Variants in CNTNAP2 observed in about 807,000 individuals in gnomAD.
CNTNAP2 encodes the protein contactin associated protein 2, also known as contactin-associated protein-like 2.
Under a neutral mutation model 155.2 loss-of-function variants are expected in CNTNAP2, and 98 were observed. The observed-to-expected ratio is 0.63, with a 90% CI of 0.54 to 0.75. CNTNAP2 has a LOEUF of 0.75. Among genes scored for constraint, CNTNAP2 ranks in the 30% least tolerant of loss-of-function variants. CNTNAP2 has a pLI of 0.00. For missense variants in CNTNAP2, 1,727 were observed against 1,688.1 expected, an observed-to-expected ratio of 1.02 and a Z score of -0.40; for synonymous variants, 651 against 631.2, an observed-to-expected ratio of 1.03 and a Z score of -0.47.
At position 146,273,086 on chromosome 7, in the gene CNTNAP2, A is replaced by AGAGAG. The variant is rs1563016942; in HGVS notation, c.97+156113_97+156114insGAGAG. On this transcript the variant is annotated intron_variant, in intron 1 of 23. Coordinates refer to ENST00000361727, the MANE Select transcript of CNTNAP2 (RefSeq NM_014141.6). ...AGGGTGGAAGGGTGAGAGAAAGAGA[A>AGAGAG]AGAGAGAGAGAGAGAGAGAGAGAGA... Among the ~76,000 whole-genome samples, 350 of 138,054 alleles carry AGAGAG rather than the reference A, an allele frequency of 2.5e-3. 5 individuals are homozygous for AGAGAG. The highest frequency in any genetic ancestry group is 9.5e-3 in the African/African-American group (327 of 34,414). The allele number at this position is 138,054 out of a possible 152,430, so 90.6% of individuals were successfully genotyped here.
At chr7:146,805,952 T>G (rs1403097343) in intron 2 of CNTNAP2, among the ~76,000 whole-genome samples, 1 of 152,110 alleles carries the variant, frequency 6.6e-6, no homozygotes. Flanking sequence ...TTTTCACAGT[T>G]TGAGGTTCTG....
chr7:147,041,220 G>C (rs1860477), intron 3 of CNTNAP2, among the ~76,000 whole-genome samples: 98,587 of 151,990 alleles, frequency 0.65, 33,494 homozygotes, highest in African/African-American at 0.86. Flanking sequence ...ACTACTTTCT[G>C]CCAGTCAGAC....
intron 1 of CNTNAP2, among the ~76,000 whole-genome samples, chr7:146,588,068 A>C (rs955380217): frequency 1.2e-4 from 18 of 151,972 alleles, no homozygotes; most frequent in African/African-American, 4.3e-4. Context: ...GATGCTTTAC[A>C]TTAAGCCTGC....
At chr7:148,003,058 G>C (rs866475993) in intron 15 of CNTNAP2, among the ~76,000 whole-genome samples, 62 of 152,288 alleles carry the variant, frequency 4.1e-4, no homozygotes, top group African/African-American at 1.4e-3. Context: ...GAAAAGCCTT[G>C]TGCTGACAGT....
chr7:147,605,678 C>G (rs987383410), intron 12 of CNTNAP2, among the ~76,000 whole-genome samples: 2 of 152,034 alleles, frequency 1.3e-5, no homozygotes, highest in Non-Finnish European at 2.9e-5. Flanking sequence ...TTTCAGAGGA[C>G]CTGCCCTTCA....
At chr7:146,383,018 T>C (rs1795412364) in intron 1 of CNTNAP2, among the ~76,000 whole-genome samples, 1 of 152,188 alleles carries the variant, frequency 6.6e-6, no homozygotes, top group African/African-American at 2.4e-5. Flanking sequence ...TTCAACCTTT[T>C]GAAATACCAT....
At chr7:146,737,932 T>C (rs1039297707) in intron 1 of CNTNAP2, among the ~76,000 whole-genome samples, 4 of 152,114 alleles carry the variant, frequency 2.6e-5, no homozygotes, top group Non-Finnish European at 4.4e-5. Context: ...GATAGATGCT[T>C]AAGCTGATTC....
chr7:147,906,624 T>C (rs985281097), intron 14 of CNTNAP2, among the ~76,000 whole-genome samples: 1 of 152,010 alleles, frequency 6.6e-6, no homozygotes, highest in African/African-American at 2.4e-5. Flanking sequence ...CATGCCCAGC[T>C]AATTTTTGTA....
At chr7:148,171,922 T>C (rs1805801488) in intron 17 of CNTNAP2, among the ~76,000 whole-genome samples, 1 of 152,230 alleles carries the variant, frequency 6.6e-6, no homozygotes, top group African/African-American at 2.4e-5. Flanking sequence ...GAGCAAAGAA[T>C]CTAGAGATTT....
At chr7:146,520,313 C>CGTAT (rs71175654) in intron 1 of CNTNAP2, among the ~76,000 whole-genome samples, 9 of 140,828 alleles carry the variant, frequency 6.4e-5, no homozygotes, top group African/African-American at 2.3e-4. Flanking sequence ...TAGATATATT[C>CGTAT]ATATATATAT....
At chr7:146,963,362 T>C (rs935881525) in intron 3 of CNTNAP2, among the ~76,000 whole-genome samples, 4 of 152,208 alleles carry the variant, frequency 2.6e-5, no homozygotes, top group Non-Finnish European at 4.4e-5. Flanking sequence ...CTTAATGCCA[T>C]GAAATTTAGC....
intron 13 of CNTNAP2, among the ~76,000 whole-genome samples, chr7:147,722,278 C>T (rs578005363): frequency 6.6e-6 from 1 of 152,278 alleles, no homozygotes; most frequent in Non-Finnish European, 1.5e-5. Flanking sequence ...ACATTAATTA[C>T]ATTTTAAATT....
At chr7:147,351,005 T>C (rs1795958635) in intron 9 of CNTNAP2, among the ~76,000 whole-genome samples, 1 of 151,844 alleles carries the variant, frequency 6.6e-6, no homozygotes, top group Non-Finnish European at 1.5e-5. Flanking sequence ...CAGAAAGGAA[T>C]GAAAAGTTTT....
At chr7:147,222,811 G>GTTT (rs35654327) in intron 8 of CNTNAP2, among the ~76,000 whole-genome samples, 248 of 81,880 alleles carry the variant, frequency 3.0e-3, no homozygotes, top group African/African-American at 9.6e-3. Flanking sequence ...GTTTCTCAGG[G>GTTT]TTTTTTTTTT....
chr7:148,203,710 G>T (rs1013795124), intron 18 of CNTNAP2, among the ~76,000 whole-genome samples: 5 of 152,094 alleles, frequency 3.3e-5, no homozygotes, highest in African/African-American at 9.7e-5. Flanking sequence ...GTGTACTCCA[G>T]CCTGGGTGGC....
At chr7:146,195,401 TAAACTAAACAGTGACTGACACA>T (rs1798761285) in intron 1 of CNTNAP2, among the ~76,000 whole-genome samples, 1 of 152,174 alleles carries the variant, frequency 6.6e-6, no homozygotes, top group African/African-American at 2.4e-5. Flanking sequence ...ATGGAGGGCA[TAAACTAAACAGTGACTGACACA>T]GTTTAAAATT....
intron 15 of CNTNAP2, among the ~76,000 whole-genome samples, chr7:148,111,037 A>G (rs772450387): frequency 2.0e-5 from 3 of 152,162 alleles, no homozygotes; most frequent in Admixed American, 6.5e-5. Context: ...AGTCCCTTCA[A>G]TGGGACAGGG....
chr7:146,483,304 TATATATATATATATATATATATATAC>T (rs1263119018), intron 1 of CNTNAP2, among the ~76,000 whole-genome samples: 21 of 105,242 alleles, frequency 2.0e-4, no homozygotes, highest in East Asian at 2.9e-4. Context: ...TATATATATA[TATATATATATATATATATATATATAC>T]ATATATATAT....
intron 21 of CNTNAP2, among the ~76,000 whole-genome samples, chr7:148,300,791 AT>A (rs1411910146): frequency 1.3e-5 from 2 of 152,208 alleles, no homozygotes; most frequent in Non-Finnish European, 2.9e-5. Flanking sequence ...GTATGATTCC[AT>A]TTCTATGAGA....
Sources: gnomAD v4.1 joint callset for allele counts (sites outside exome capture counted in the v4.1 genomes callset) on GRCh38, gnomAD v4.1.1 for gene constraint, MANE v1.5 for transcripts, NCBI Gene and HGNC (gene_info 2026-07-23, HGNC 2026-07-21) for gene names.